SH3TC1: variants seen among roughly 807,000 people sequenced by gnomAD.
SH3TC1 encodes the protein SH3 domain and tetratricopeptide repeats 1.
Under a neutral mutation model 117.3 loss-of-function variants are expected in SH3TC1, and 135 were observed. That is an observed-to-expected ratio of 1.15 (90% CI 1.00 to 1.33). SH3TC1 has a LOEUF of 1.33. Ranked by LOEUF, SH3TC1 falls within the 40% of genes most tolerant of loss-of-function variation. The probability of loss-of-function intolerance (pLI) is 0.00; values close to 1 mark genes in which losing one functional copy is unlikely to be tolerated. For missense variants in SH3TC1, 2,092 were observed against 1,794.3 expected (o/e 1.17, Z -3.00); for synonymous variants, 898 against 816.9 (o/e 1.10, Z -1.69).
At chr4:8,187,752 A>G (rs1228264507) in intron 1 of SH3TC1, among the ~76,000 whole-genome samples, 1 of 152,066 alleles carries the variant, frequency 6.6e-6, no homozygotes, top group East Asian at 1.9e-4. Flanking sequence ...GGGTTTCACC[A>G]TATTGGCCAG....
chr4:8,216,313 C>A, intron 6 of SH3TC1, 56 bp downstream of exon 6: 1 of 1,575,658 alleles, frequency 6.3e-7, no homozygotes, highest in South Asian at 1.2e-5. Flanking sequence ...ACTCCCGGGC[C>A]ATGGGGTGAC....
At chr4:8,218,023 T>A (rs1325044854) in intron 7 of SH3TC1, among the ~76,000 whole-genome samples, 2 of 152,072 alleles carry the variant, frequency 1.3e-5, no homozygotes, top group Non-Finnish European at 2.9e-5. Flanking sequence ...GGTGGCGGTG[T>A]TTCCAGGACA....
chr4:8,184,210 A>G (rs1245213635), intron 1 of SH3TC1, among the ~76,000 whole-genome samples: 1 of 152,202 alleles, frequency 6.6e-6, no homozygotes, highest in Non-Finnish European at 1.5e-5. Flanking sequence ...ACTCAAATCC[A>G]TTATTACTAA....
At chr4:8,182,360 C>T (rs563200458) in intron 1 of SH3TC1, 1 of 152,436 alleles carries the variant, frequency 6.6e-6, no homozygotes, top group Admixed American at 6.5e-5. Flanking sequence ...ACTCGAAACT[C>T]ACCTGGCCAG....
intron 17 of SH3TC1, among the ~76,000 whole-genome samples, chr4:8,240,489 G>A (rs2291071): frequency 0.2 from 30,989 of 152,174 alleles, 3,793 homozygotes; most frequent in East Asian, 0.49. Flanking sequence ...CGGGGTGAGT[G>A]GGGTGTAGGG....
At chr4:8,235,640 T>C in intron 15 of SH3TC1, 85 bp downstream of exon 15, 3 of 1,452,348 alleles carry the variant, frequency 2.1e-6, no homozygotes, top group Non-Finnish European at 2.7e-6. Flanking sequence ...GGCAGAGCCC[T>C]CGCACCTGGA....
intron 7 of SH3TC1, 93 bp downstream of exon 7, chr4:8,217,260 T>C (rs907581368): frequency 2.5e-4 from 368 of 1,495,396 alleles, no homozygotes; most frequent in Non-Finnish European, 3.1e-4. Context: ...GGACAGGGAA[T>C]GGTGGGGGCC....
rs1244851822 is a variant in SH3TC1 at position 8,190,327 on chromosome 4, TG to T, written c.-57+8118del. 6.6e-6 allele frequency among the ~76,000 whole-genome samples: 1 copy of T among 152,308 alleles called. No homozygotes were observed. Among genetic ancestry groups the T allele is most frequent in the East Asian group, 1.9e-4 (1 of 5,172 alleles). The stretch of plus-strand genomic sequence containing the variant: ...GGACTGTGTGCTTGGGTTGGGTTAA[TG>T]ACTGTGTAAGCCAAGGTCAGGATCA... On this transcript the variant is annotated intron_variant, in intron 1 of 16. Coordinates refer to the SH3TC1 transcript ENST00000508641. This position sits in a 1 kb window ranked among gnomAD's most constrained non-coding sequence, Gnocchi z 4.7.
intron 1 of SH3TC1, among the ~76,000 whole-genome samples, chr4:8,185,871 G>A (rs781195683): frequency 6.6e-5 from 10 of 152,190 alleles, no homozygotes; most frequent in Non-Finnish European, 1.3e-4. Flanking sequence ...TTTTATGAGC[G>A]TTGGTCATTT....
In SH3TC1 at chr4:8,228,686, C is replaced by T. The variant is rs750687186; in HGVS notation, c.2950+42C>T. Reference sequence around the variant, plus strand: ...CTTCTGTGTGCCTTCCGGGGCCACTCGGGTCAGGGCACACCTGGGGTTTGT... The same window carrying T: ...CTTCTGTGTGCCTTCCGGGGCCACTTGGGTCAGGGCACACCTGGGGTTTGT... On this transcript the variant is annotated intron_variant, in intron 12 of 17. Transcript: ENST00000245105. The T allele has an allele frequency of 4.9e-5, 68 of 1,379,590 alleles. 1 individual carries two copies. Among genetic ancestry groups the T allele is most frequent in the East Asian group, 2.5e-5 (1 of 39,752 alleles). The allele number at this position is 1,379,590 out of a possible 1,614,324, so 85.5% of individuals were successfully genotyped here. A position where few individuals can be genotyped will look rare whatever the true frequency, so the allele number is the denominator to read the frequency against.
intron 1 of SH3TC1, among the ~76,000 whole-genome samples, chr4:8,193,906 T>A (rs1717486011): frequency 6.6e-6 from 1 of 152,210 alleles, no homozygotes; most frequent in Non-Finnish European, 1.5e-5. Context: ...CTGAAGATGC[T>A]CTGAGACAGT....
chr4:8,191,041 TCCTATGTAGG>T (rs1717401909), intron 1 of SH3TC1, among the ~76,000 whole-genome samples: 1 of 152,104 alleles, frequency 6.6e-6, no homozygotes, highest in Non-Finnish European at 1.5e-5. Context: ...CTGTGGGGGC[TCCTATGTAGG>T]CAGTGAGGGC....
rs1437867247 is a variant in SH3TC1, at chr4:8,190,183, G to A, written c.-57+7973G>A. The stretch of plus-strand genomic sequence containing the variant: ...AGTCCAGGTGGGTAGCAGGGAGTCT[G>A]CAGGAATCCCCCTTGGAGCCCTCCT... On this transcript the variant is annotated intron_variant, in intron 1 of 16. Transcript: ENST00000508641. The surrounding 1 kb of genome is among the most constrained non-coding windows in gnomAD (Gnocchi z 4.7). Among the ~76,000 whole-genome samples, 2 of 152,224 alleles carry A rather than the reference G, an allele frequency of 1.3e-5. No homozygotes were observed. Among genetic ancestry groups the A allele is most frequent in the African/African-American group, 4.8e-5 (2 of 41,458 alleles).
In SH3TC1 at chr4:8,227,486, T is replaced by C. The variant is rs146105309; in HGVS notation, c.1792T>C (p.Phe598Leu). Residue 598 changes from phenylalanine (F) to leucine (L), a missense_variant, in exon 12 of 18, where the codon TTC becomes CTC. By Grantham distance (22) the Phe-to-Leu change is conservative (BLOSUM62 0). Transcript: ENST00000245105. ...GALEGSFGDL[F>L]LVVAVYANLA... ...CCTGGAGGGCAGCTTCGGGGACCTGTTCCTAGTGGTGGCTGTGTACGCCAA... is the reference window on the plus strand; with the variant it reads ...CCTGGAGGGCAGCTTCGGGGACCTGCTCCTAGTGGTGGCTGTGTACGCCAA... 766 of 1,566,616 alleles carry C rather than the reference T, an allele frequency of 4.9e-4. 9 individuals are homozygous for C. The Middle Eastern group carries it at 0.023, about 47-fold the overall frequency.
rs377306484 is a variant in SH3TC1 at position 8,235,488 on chromosome 4, T to C, written c.3338T>C (p.Phe1113Ser). The part of the protein sequence containing the change: ...TGDPNLGLEL[F>S]EAAGDIFFDG... ...GACCCCAACCTGGGGCTGGAGCTGTTTGAGGCGGCTGGAGACATCTTCTTC... is the reference window on the plus strand; with the variant it reads ...GACCCCAACCTGGGGCTGGAGCTGTCTGAGGCGGCTGGAGACATCTTCTTC... Residue 1113 changes from phenylalanine to serine, a missense_variant, in exon 15 of 18, where the codon TTT becomes TCT. Coordinates refer to ENST00000245105, the MANE Select transcript of SH3TC1 (RefSeq NM_018986.5). The C allele has an allele frequency of 1.2e-6, 2 of 1,605,568 alleles. No homozygotes were observed. Among genetic ancestry groups the C allele is most frequent in the Non-Finnish European group, 1.7e-6 (2 of 1,175,192 alleles).
At chr4:8,219,171 G>A (rs141413435) in intron 8 of SH3TC1, among the ~76,000 whole-genome samples, 164 bp from the exon 9 acceptor site, 14 of 152,298 alleles carry the variant, frequency 9.2e-5, no homozygotes, top group Non-Finnish European at 1.3e-4. Flanking sequence ...TGAGGACCAC[G>A]TAGACATTCC....
At chr4:8,200,320 G>T (rs1272415418) in intron 1 of SH3TC1, among the ~76,000 whole-genome samples, 2 of 152,158 alleles carry the variant, frequency 1.3e-5, no homozygotes, top group Non-Finnish European at 2.9e-5. Context: ...GGTATGTGGG[G>T]GCTGGGCTCT....
rs557988949 is a variant in SH3TC1, at chr4:8,209,678, G to A, written c.173-70G>A. On this transcript the variant is annotated intron_variant, in intron 2 of 17. Coordinates refer to ENST00000245105, the MANE Select transcript of SH3TC1 (RefSeq NM_018986.5). The surrounding 1 kb of genome is among the most constrained non-coding windows in gnomAD (Gnocchi z 5.9). Reference sequence around the variant, plus strand: ...CTTTTCTTGCAGAGAGACCTGGAGCGTTTGGCGCCTTCAGAGGAGCCAGGC... The same window carrying A: ...CTTTTCTTGCAGAGAGACCTGGAGCATTTGGCGCCTTCAGAGGAGCCAGGC... 62 of 1,601,472 alleles carry A rather than the reference G, an allele frequency of 3.9e-5. No homozygotes were observed. Among genetic ancestry groups the A allele is most frequent in the East Asian group, 6.7e-5 (3 of 44,462 alleles).
intron 12 of SH3TC1, among the ~76,000 whole-genome samples, chr4:8,230,783 C>G (rs374907782): frequency 7.5e-6 from 1 of 134,170 alleles, no homozygotes; most frequent in Non-Finnish European, 1.6e-5. Flanking sequence ...ATATGCTGTG[C>G]TTTTTTTTTT....
Sources: allele counts gnomAD v4.1 joint callset (sites outside exome capture counted in the v4.1 genomes callset), GRCh38; gene constraint gnomAD v4.1.1; non-coding constraint Gnocchi (gnomAD v3.1); transcripts MANE v1.5; gene names NCBI Gene and HGNC (gene_info 2026-07-23, HGNC 2026-07-21).